ARL5A: variants seen among roughly 807,000 people sequenced by gnomAD.
ARL5A encodes the protein ADP-ribosylation factor-like protein 5A.
Under a neutral mutation model 25.9 loss-of-function variants are expected in ARL5A, and 18 were observed. The observed-to-expected ratio is 0.69, with a 90% CI of 0.48 to 1.03. The LOEUF is 1.03. Ranked by LOEUF, ARL5A falls within the 50% of genes least tolerant of loss-of-function variation. The pLI, the probability that ARL5A is intolerant of heterozygous loss-of-function variation, is 0.00. For synonymous variants in ARL5A, 61 were observed against 67.5 expected (o/e 0.90, Z 0.47); for missense variants, 170 against 211.9 (o/e 0.80, Z 1.23).
Position 151,815,175 on chromosome 2 carries a change from A to G in ARL5A, c.71T>C (p.Leu24Pro). The part of the protein sequence containing the change: ...HQEHKVIIVG[L>P]DNAGKTTILY... The stretch of plus-strand genomic sequence containing the variant: ...AATGGTAGTTTTCCCTGCATTATCC[A>G]GCCCAACAATGATAACTTTGTGCTC... Residue 24 changes from leucine (L) to proline (P), a missense_variant, in exon 2 of 6, where the codon CTG becomes CCG. Leu to Pro is a moderately conservative substitution (Grantham distance 98). Transcript: ENST00000295087. The G allele has an allele frequency of 6.2e-7, 1 of 1,607,730 alleles. No individual in the cohort carries two copies. Among genetic ancestry groups the G allele is most frequent in the Non-Finnish European group, 8.5e-7 (1 of 1,177,320 alleles).
chr2:151,820,542 C>A (rs369730248), intron 1 of ARL5A, among the ~76,000 whole-genome samples: 1 of 151,430 alleles, frequency 6.6e-6, no homozygotes, highest in Admixed American at 6.6e-5. Context: ...CACTTGTGGT[C>A]CCAGCTACTT....
At chr2:151,805,010 T>A (rs975124392) in intron 5 of ARL5A, among the ~76,000 whole-genome samples, 9 of 152,188 alleles carry the variant, frequency 5.9e-5, no homozygotes, top group Non-Finnish European at 1.3e-4. Flanking sequence ...TCTATACTAA[T>A]GATACATTTT....
At chr2:151,812,319 C>T in intron 4 of ARL5A, 38 bp downstream of exon 4, 1 of 1,391,930 alleles carries the variant, frequency 7.2e-7, no homozygotes, top group Non-Finnish European at 9.9e-7. Context: ...ATTCCCATAC[C>T]CTTCCCCATA....
In ARL5A at chr2:151,812,569, A is replaced by G. The variant is rs914994247; in HGVS notation, c.256-129T>C. ...AATCTTATGGTATTGTTGGAAAATC[A>G]GAGCTACCTATACATTGTGAAGCCA... is the stretch of plus-strand genomic sequence containing the variant. On this transcript the variant is annotated intron_variant, in intron 3 of 5. Transcript: ENST00000295087. The G allele has an allele frequency of 7.3e-6, 4 of 547,640 alleles. No individual in the cohort carries two copies. The African/African-American group carries it at 7.7e-5, about 11-fold the overall frequency. 33.9% of individuals were successfully genotyped at this position (547,640 alleles called of 1,614,324 possible). A position where few individuals can be genotyped will look rare whatever the true frequency, so the allele number is the denominator to read the frequency against.
In ARL5A at chr2:151,798,813, T is replaced by C. The variant is rs1363101943; in HGVS notation, c.*4463A>G. ...GCCATACGATACCATAGAAAATACA[T>C]ATAATTTATTAGATGGGCTTAAAAT... On this transcript the variant is annotated 3_prime_UTR_variant, in exon 6 of 6. Coordinates refer to ENST00000295087, the MANE Select transcript of ARL5A (RefSeq NM_012097.4). 2 of 147,420 alleles carry C rather than the reference T, an allele frequency of 1.4e-5. No homozygotes were observed. The highest frequency in any genetic ancestry group is 3.0e-5 in the Non-Finnish European group (2 of 67,184). The allele number at this position is 147,420 out of a possible 1,614,324, so 9.1% of individuals were successfully genotyped here. A position where few individuals can be genotyped will look rare whatever the true frequency, so the allele number is the denominator to read the frequency against.
chr2:151,815,660 G>A (rs1370570304), intron 1 of ARL5A, among the ~76,000 whole-genome samples: 3 of 152,104 alleles, frequency 2.0e-5, no homozygotes, highest in African/African-American at 7.2e-5. Context: ...ATGGGTAATC[G>A]TAAATTATGA....
intron 5 of ARL5A, among the ~76,000 whole-genome samples, chr2:151,805,752 T>C (rs2099830014): frequency 6.6e-6 from 1 of 152,170 alleles, no homozygotes; most frequent in African/African-American, 2.4e-5. Context: ...GAACAGTTAT[T>C]GTAAACATAT....
intron 4 of ARL5A, among the ~76,000 whole-genome samples, chr2:151,810,990 C>T (rs1266022240): frequency 1.3e-5 from 2 of 151,852 alleles, no homozygotes; most frequent in Admixed American, 1.3e-4. Flanking sequence ...GCCTCTTTTA[C>T]GGCTTATTGC....
chr2:151,824,831 C>T (rs915183822), intron 1 of ARL5A, among the ~76,000 whole-genome samples: 9 of 152,110 alleles, frequency 5.9e-5, no homozygotes, highest in Admixed American at 5.2e-4. Context: ...GAAATAACTC[C>T]GGCACTACGT....
intron 1 of ARL5A, among the ~76,000 whole-genome samples, chr2:151,819,465 TTTTTG>T (rs2099831961): frequency 6.6e-6 from 1 of 152,240 alleles, no homozygotes; most frequent in East Asian, 1.9e-4. Context: ...TGCCATTTTT[TTTTTG>T]TTAAGTGAAA....
intron 1 of ARL5A, among the ~76,000 whole-genome samples, chr2:151,817,308 G>A (rs187665368): frequency 6.6e-6 from 1 of 152,094 alleles, no homozygotes; most frequent in Admixed American, 6.5e-5. Context: ...CGCTTAATGA[G>A]GCATCTTCAA....
Position 151,803,088 on chromosome 2 carries a change from T to C in ARL5A, c.*188A>G. On this transcript the variant is annotated 3_prime_UTR_variant, in exon 6 of 6. Coordinates refer to ENST00000295087, the MANE Select transcript of ARL5A (RefSeq NM_012097.4). The stretch of plus-strand genomic sequence containing the variant: ...TTCAATAACTTACTTTGGAAAAAAC[T>C]AATGAGAAAGCAAACTGGAAGGTGA... The C allele has an allele frequency of 1.9e-6, 1 of 534,552 alleles. No individual in the cohort carries two copies. The highest frequency in any genetic ancestry group is 3.4e-6 in the Non-Finnish European group (1 of 298,234). The allele number at this position is 534,552 out of a possible 1,614,324, so 33.1% of individuals were successfully genotyped here.
At chr2:151,812,767 T>C (rs2099831010) in intron 3 of ARL5A, among the ~76,000 whole-genome samples, 1 of 152,082 alleles carries the variant, frequency 6.6e-6, no homozygotes, top group African/African-American at 2.4e-5. Context: ...AAACATGCAA[T>C]ATGATCCTGA....
intron 5 of ARL5A, among the ~76,000 whole-genome samples, chr2:151,804,548 AT>A (rs770161421): frequency 6.6e-6 from 1 of 152,200 alleles, no homozygotes; most frequent in South Asian, 2.1e-4. Context: ...TGGTTGTCCC[AT>A]ACTTTTCTCC....
At chr2:151,806,997 A>G in intron 4 of ARL5A, 25 bp from the exon 5 acceptor site, 1 of 1,557,616 alleles carries the variant, frequency 6.4e-7, no homozygotes, top group South Asian at 1.2e-5. Context: ...AAAACTGTAA[A>G]GGCCAATACA....
chr2:151,819,209 A>T (rs1041101667), intron 1 of ARL5A, among the ~76,000 whole-genome samples: 1 of 152,246 alleles, frequency 6.6e-6, no homozygotes, highest in African/African-American at 2.4e-5. Flanking sequence ...GTACTCTCTC[A>T]GTTTCTTACA....
chr2:151,816,722 T>C (rs2151295255), intron 1 of ARL5A, among the ~76,000 whole-genome samples: 1 of 152,348 alleles, frequency 6.6e-6, no homozygotes. Context: ...AAAAATTTAC[T>C]AGAAACTGTA....
At chr2:151,824,815 G>A (rs1018740657) in intron 1 of ARL5A, among the ~76,000 whole-genome samples, 16 of 152,004 alleles carry the variant, frequency 1.1e-4, no homozygotes, top group Admixed American at 6.6e-4. Context: ...GTGTGTGTGC[G>A]TAGGAGAAAT....
At chr2:151,808,066 C>T (rs1281209023) in intron 4 of ARL5A, among the ~76,000 whole-genome samples, 1 of 152,134 alleles carries the variant, frequency 6.6e-6, no homozygotes, top group Non-Finnish European at 1.5e-5. Context: ...CACACATATG[C>T]ATATACACAA....
Sources: gnomAD v4.1 joint callset for allele counts (sites outside exome capture counted in the v4.1 genomes callset) on GRCh38, gnomAD v4.1.1 for gene constraint, MANE v1.5 for transcripts, NCBI Gene and HGNC (gene_info 2026-07-23, HGNC 2026-07-21) for gene names.